The following ARHGEF3 variants were observed in gnomAD, a reference collection of about 807,000 sequenced individuals.
ARHGEF3 encodes the protein Rho guanine nucleotide exchange factor 3.
ARHGEF3 carries 28 observed loss-of-function variants against 63.2 expected under a neutral mutation model. The observed-to-expected ratio is 0.44, with a 90% CI of 0.33 to 0.61. The LOEUF is 0.61. Among genes scored for constraint, ARHGEF3 ranks in the 20% least tolerant of loss-of-function variants. The pLI, the probability that ARHGEF3 is intolerant of heterozygous loss-of-function variation, is 0.03. For synonymous variants in ARHGEF3, 266 were observed against 254.2 expected (o/e 1.05, Z -0.44); for missense variants, 533 against 659.3 (o/e 0.81, Z 2.10).
intron 3 of ARHGEF3, among the ~76,000 whole-genome samples, chr3:56,951,849 G>A (rs1173114820): frequency 6.6e-6 from 1 of 151,922 alleles, no homozygotes; most frequent in Non-Finnish European, 1.5e-5. Context: ...GTTCCAAACA[G>A]ATGCTGGCCA....
chr3:56,791,465 T>C (rs2107919031), intron 1 of ARHGEF3, among the ~76,000 whole-genome samples: 1 of 152,252 alleles, frequency 6.6e-6, no homozygotes, highest in East Asian at 1.9e-4. Context: ...ACAAACGAAA[T>C]ACATCACCTA....
intron 7 of ARHGEF3, among the ~76,000 whole-genome samples, chr3:56,744,202 C>T (rs1363924200): frequency 6.6e-6 from 1 of 152,078 alleles, no homozygotes; most frequent in Non-Finnish European, 1.5e-5. Flanking sequence ...TACCTTTGCT[C>T]AGGCCACCCG....
intron 3 of ARHGEF3, among the ~76,000 whole-genome samples, chr3:56,949,941 C>A (rs1462800792): frequency 6.6e-6 from 1 of 151,898 alleles, no homozygotes; most frequent in Non-Finnish European, 1.5e-5. Flanking sequence ...AGATATAGAC[C>A]AATGGAACAG....
intron 1 of ARHGEF3, chr3:57,079,002 A>T: frequency 3.0e-6 from 1 of 338,576 alleles, no homozygotes; most frequent in East Asian, 4.3e-5. Flanking sequence ...CGCTGGGCAT[A>T]CCCCAGACCA....
chr3:56,946,931 C>G (rs1213160577), intron 3 of ARHGEF3, among the ~76,000 whole-genome samples: 1 of 152,164 alleles, frequency 6.6e-6, no homozygotes, highest in Admixed American at 6.5e-5. Flanking sequence ...CTGATCTCTC[C>G]TCAGAAACTC....
chr3:56,841,295 A>C (rs1017599082), intron 4 of ARHGEF3, among the ~76,000 whole-genome samples: 1 of 152,200 alleles, frequency 6.6e-6, no homozygotes, highest in Non-Finnish European at 1.5e-5. Flanking sequence ...AATTTCAAAG[A>C]GGTGGTGAGA....
chr3:56,860,045 T>TAGAC (rs1406275876), intron 4 of ARHGEF3, among the ~76,000 whole-genome samples: 3 of 151,114 alleles, frequency 2.0e-5, no homozygotes, highest in Admixed American at 6.6e-5. Flanking sequence ...TCAAGAGAGA[T>TAGAC]AGATAGATAG....
intron 2 of ARHGEF3, among the ~76,000 whole-genome samples, chr3:56,982,190 G>A (rs1168423940): frequency 6.6e-6 from 1 of 151,792 alleles, no homozygotes; most frequent in Admixed American, 6.6e-5. Flanking sequence ...TAACCACCTG[G>A]ATCGAGCTAT....
intron 4 of ARHGEF3, among the ~76,000 whole-genome samples, chr3:56,810,864 G>A (rs1053820707): frequency 3.3e-5 from 5 of 152,106 alleles, no homozygotes; most frequent in African/African-American, 1.2e-4. Context: ...CCCTCAAAAA[G>A]CACTGTTCGA....
intron 3 of ARHGEF3, among the ~76,000 whole-genome samples, chr3:56,895,024 G>A (rs976733174): frequency 6.6e-6 from 1 of 152,146 alleles, no homozygotes; most frequent in South Asian, 2.1e-4. Flanking sequence ...ACATGACAGT[G>A]TCACTAAAGA....
intron 4 of ARHGEF3, among the ~76,000 whole-genome samples, chr3:56,858,618 G>A (rs569676500): frequency 6.6e-6 from 1 of 152,348 alleles, no homozygotes; most frequent in African/African-American, 2.4e-5. Flanking sequence ...CACTTGCGGG[G>A]AGGGCAAGGC....
intron 2 of ARHGEF3, among the ~76,000 whole-genome samples, chr3:56,996,884 ATTATTATTT>A (rs1230915409): frequency 9.4e-6 from 1 of 105,928 alleles, no homozygotes; most frequent in Non-Finnish European, 2.1e-5. Flanking sequence ...TATTATTATT[ATTATTATTT>A]TTTTTTTTTT....
At position 57,040,806 on chromosome 3, in the gene ARHGEF3, C is replaced by T. The variant is rs140440495; in HGVS notation, c.-27-5630G>A. ...GAATGAAGCAGACCCCAGCTGACCT[C>T]CTCAACACCCACACCACCCTGCCAA... On this transcript the variant is annotated intron_variant, in intron 1 of 12. Coordinates refer to the ARHGEF3 transcript ENST00000338458. Among the ~76,000 whole-genome samples, 3 of 152,180 alleles carry T rather than the reference C, an allele frequency of 2.0e-5. 1 individual carries two copies. Among genetic ancestry groups the T allele is most frequent in the African/African-American group, 7.2e-5 (3 of 41,520 alleles).
In ARHGEF3 at chr3:56,901,636, T is replaced by G. The variant is rs969722485; in HGVS notation, c.130-19282A>C. 2.0e-5 allele frequency among the ~76,000 whole-genome samples: 3 copies of G among 150,190 alleles called. No homozygotes were observed. The Admixed American group carries it at 2.0e-4, about 10-fold the overall frequency. ...TCTTACTCTGTTGTCCAGGCTGGAGTGCAGTGGCACAGTCACTGCTCACTG... is the reference window on the plus strand; with the variant it reads ...TCTTACTCTGTTGTCCAGGCTGGAGGGCAGTGGCACAGTCACTGCTCACTG... On this transcript the variant is annotated intron_variant, in intron 3 of 12. Transcript: ENST00000338458.
At chr3:56,862,874 T>C (rs764548048) in intron 4 of ARHGEF3, among the ~76,000 whole-genome samples, 4 of 152,210 alleles carry the variant, frequency 2.6e-5, no homozygotes, top group Non-Finnish European at 5.9e-5. Context: ...CCTGGGCTGA[T>C]TCATTAGAAT....
chr3:56,943,968 G>A (rs1699325819), intron 3 of ARHGEF3, among the ~76,000 whole-genome samples: 1 of 150,922 alleles, frequency 6.6e-6, no homozygotes, highest in Non-Finnish European at 1.5e-5. Flanking sequence ...CTTGAGGTCA[G>A]ACGTTCGAGA....
intron 4 of ARHGEF3, among the ~76,000 whole-genome samples, chr3:56,846,981 A>G (rs2039513215): frequency 6.6e-6 from 1 of 152,206 alleles, no homozygotes; most frequent in African/African-American, 2.4e-5. Context: ...ATCTTACTTG[A>G]TGCCCAGTGC....
intron 4 of ARHGEF3, among the ~76,000 whole-genome samples, chr3:56,868,444 T>A (rs1156516996): frequency 6.6e-6 from 1 of 151,360 alleles, no homozygotes; most frequent in Non-Finnish European, 1.5e-5. Flanking sequence ...CACTGCAGCC[T>A]CCACCCACCC....
intron 2 of ARHGEF3, among the ~76,000 whole-genome samples, chr3:57,004,831 A>G (rs1702407983): frequency 6.6e-6 from 1 of 152,132 alleles, no homozygotes; most frequent in African/African-American, 2.4e-5. Flanking sequence ...ATGGTGCTAT[A>G]CACCTGTAGT....
Sources: gnomAD v4.1 joint callset for allele counts (sites outside exome capture counted in the v4.1 genomes callset) on GRCh38, gnomAD v4.1.1 for gene constraint, MANE v1.5 for transcripts, NCBI Gene and HGNC (gene_info 2026-07-23, HGNC 2026-07-21) for gene names.